GBA2: variants seen among roughly 807,000 people sequenced by gnomAD.
The protein encoded by GBA2 is glucosylceramidase beta 2, also known as non-lysosomal glucosylceramidase.
Under a neutral mutation model 112.9 loss-of-function variants are expected in GBA2, and 79 were observed. That is an observed-to-expected ratio of 0.70 (90% CI 0.58 to 0.84). The LOEUF (loss-of-function observed/expected upper bound fraction) is 0.84, where lower values mean the gene tolerates loss of function less well. Ranked by LOEUF, GBA2 falls within the 40% of genes least tolerant of loss-of-function variation. The pLI is 0.00. For missense variants in GBA2, 1,043 were observed against 1,190.0 expected (o/e 0.88, Z 1.82); for synonymous variants, 403 against 434.3 (o/e 0.93, Z 0.90).
chr9:35,742,098 C>A (rs1484348615), intron 3 of GBA2: 5 of 607,278 alleles, frequency 8.2e-6, no homozygotes, highest in Non-Finnish European at 1.2e-5. Context: ...CCCTTCTCCA[C>A]TACGGTGGTG....
chr9:35,739,562 G>T, intron 9 of GBA2, 66 bp downstream of exon 9: 1 of 1,478,110 alleles, frequency 6.8e-7, no homozygotes. Flanking sequence ...ATACCCTGGG[G>T]TAGGCAAATC....
rs982401040 is a variant in GBA2 at position 35,746,447 on chromosome 9, C to T, written c.360-1741G>A. Among the ~76,000 whole-genome samples, 1 of 152,070 alleles carries T rather than the reference C, an allele frequency of 6.6e-6. No individual in the cohort carries two copies. The highest frequency in any genetic ancestry group is 2.4e-5 in the African/African-American group (1 of 41,396). The stretch of plus-strand genomic sequence containing the variant: ...CTACTAAAAATACAAAAACATTAGC[C>T]AGCTGTGGTGGCAGGCACCTGCAAT... On this transcript the variant is annotated intron_variant, in intron 1 of 16. Coordinates refer to ENST00000378103, the MANE Select transcript of GBA2 (RefSeq NM_020944.3). This position sits in a 1 kb window ranked among gnomAD's most constrained non-coding sequence, Gnocchi z 5.2.
Position 35,741,951 on chromosome 9 carries a change from C to A in GBA2, c.568-61G>T. 8.8e-7 allele frequency: 1 copy of A among 1,133,488 alleles called. No individual in the cohort carries two copies. The highest frequency in any genetic ancestry group is 1.3e-5 in the South Asian group (1 of 79,356). The allele number at this position is 1,133,488 out of a possible 1,614,324, so 70.2% of individuals were successfully genotyped here. A position where few individuals can be genotyped will look rare whatever the true frequency, so the allele number is the denominator to read the frequency against. ...ACAGGGACCACAGACTAAGTCTTCC[C>A]TCTCCTCAAATCAGCTCCTCCCCTT... On this transcript the variant is annotated intron_variant, in intron 3 of 16. Transcript: ENST00000378103. This position sits in a 1 kb window ranked among gnomAD's most constrained non-coding sequence, Gnocchi z 4.6.
At position 35,746,281 on chromosome 9, in the gene GBA2, AAATGTGATT is replaced by A. The variant is rs1173568234; in HGVS notation, c.360-1584_360-1576del. Among the ~76,000 whole-genome samples the A allele has an allele frequency of 1.2e-4, 18 of 152,330 alleles. No homozygotes were observed. The highest frequency in any genetic ancestry group is 1.0e-3 in the Admixed American group (16 of 15,302). The stretch of plus-strand genomic sequence containing the variant: ...ATAACAGACTGGAGCAGAGGAGAAG[AAATGTGATT>A]AATGAATAGGGACAGCGGCCAGGCA... On this transcript the variant is annotated intron_variant, in intron 1 of 16. Transcript: ENST00000378103. The surrounding 1 kb of genome is among the most constrained non-coding windows in gnomAD (Gnocchi z 5.2).
Position 35,739,705 on chromosome 9 carries a change from A to T in GBA2, c.1505T>A (p.Leu502Gln), listed in dbSNP as rs759994346. ...TVWLEVLEDSLPEELGRNMCH... is the reference protein window; with the variant it reads ...TVWLEVLEDSQPEELGRNMCH... ...CATGTTTCTGCCCAGCTCCTCTGGT[A>T]GGGAGTCCTCAAGAACTTCCAGCCA... Residue 502 changes from leucine to glutamine, a missense_variant, in exon 9 of 17, where the codon CTA becomes CAA. By Grantham distance (113) the Leu-to-Gln change is moderately radical. Coordinates refer to ENST00000378103, the MANE Select transcript of GBA2 (RefSeq NM_020944.3). 1.2e-6 allele frequency: 2 copies of T among 1,613,890 alleles called. 1 individual carries two copies. Among genetic ancestry groups the T allele is most frequent in the South Asian group, 2.2e-5 (2 of 91,076 alleles).
At chr9:35,739,908 C>G in intron 8 of GBA2, 90 bp downstream of exon 8, 1 of 1,561,948 alleles carries the variant, frequency 6.4e-7, no homozygotes, top group Non-Finnish European at 8.8e-7. Flanking sequence ...CAGTGCAAGT[C>G]TACTGACTTT....
rs1826953960 is a variant in GBA2 at position 35,746,064 on chromosome 9, T to G, written c.360-1358A>C. On this transcript the variant is annotated intron_variant, in intron 1 of 16. Coordinates refer to ENST00000378103, the MANE Select transcript of GBA2 (RefSeq NM_020944.3). This position sits in a 1 kb window ranked among gnomAD's most constrained non-coding sequence, Gnocchi z 5.2. ...GTTATCTCAATTCCTAATCAGACAT[T>G]GCCTTGTTATTTCAATGTTCCTCAT... 6.6e-6 allele frequency among the ~76,000 whole-genome samples: 1 copy of G among 152,244 alleles called. No individual in the cohort carries two copies. The highest frequency in any genetic ancestry group is 6.5e-5 in the Admixed American group (1 of 15,276).
chr9:35,741,264 G>T lies in GBA2; in HGVS notation c.787-200C>A. On this transcript the variant is annotated intron_variant, in intron 4 of 16. Coordinates refer to ENST00000378103, the MANE Select transcript of GBA2 (RefSeq NM_020944.3). This position sits in a 1 kb window ranked among gnomAD's most constrained non-coding sequence, Gnocchi z 4.6. ...GAAGACCAGAACCAGTTGGGCGGTG[G>T]TTCTGGGAAGCCAGTGTGATGTTCA... 1.7e-6 allele frequency: 1 copy of T among 600,010 alleles called. No homozygotes were observed. The highest frequency in any genetic ancestry group is 2.9e-6 in the Non-Finnish European group (1 of 343,940). The allele number at this position is 600,010 out of a possible 1,614,324, so 37.2% of individuals were successfully genotyped here.
chr9:35,748,189 C>T (rs1408456179), intron 1 of GBA2, among the ~76,000 whole-genome samples, 157 bp downstream of exon 1: 2 of 152,220 alleles, frequency 1.3e-5, no homozygotes, highest in Admixed American at 6.5e-5. Context: ...CCTGGTCTCA[C>T]GGTCCAAAAC....
In GBA2 at chr9:35,748,489, A is replaced by C; in HGVS notation, c.216T>G (p.Tyr72Ter). ...CCTGGTAGCCCATAGCTTTACCCTC[A>C]TAGGAAACCATCAGCTGCCCAGAGT... is the stretch of plus-strand genomic sequence containing the variant. ...PEDSGQLMVSYEGKAMGYQVP... is the reference protein window; with the variant it reads ...PEDSGQLMVS The change falls in exon 1 of 17, where the codon TAT (tyrosine) becomes TAG (stop). Residue 72 changes from tyrosine (Y) to a stop codon, truncating the protein, a stop_gained. Coordinates refer to ENST00000378103, the MANE Select transcript of GBA2 (RefSeq NM_020944.3). LOFTEE classifies it high-confidence loss of function. 6.2e-7 allele frequency: 1 copy of C among 1,614,136 alleles called. No homozygotes were observed. The highest frequency in any genetic ancestry group is 8.5e-7 in the Non-Finnish European group (1 of 1,179,982).
chr9:35,738,122 C>T lies in GBA2; in HGVS notation c.2228G>A (p.Arg743Gln), dbSNP rs201520272. The change falls in exon 15 of 17, where the codon CGG becomes CAG. Residue 743 changes from arginine (R) to glutamine (Q), a missense_variant. By Grantham distance (43) the Arg-to-Gln change is conservative. Coordinates refer to ENST00000378103, the MANE Select transcript of GBA2 (RefSeq NM_020944.3). ...AGACATAACACTACGAGACTGAGGCCGAGAGCTGCTGTCATAGTTGTAATA... is the reference window on the plus strand; with the variant it reads ...AGACATAACACTACGAGACTGAGGCTGAGAGCTGCTGTCATAGTTGTAATA... Reference protein sequence around the residue: ...GRYYNYDSSSRPQSRSVMSDQ... With the variant: ...GRYYNYDSSSQPQSRSVMSDQ... 2.9e-5 allele frequency: 46 copies of T among 1,613,978 alleles called. No homozygotes were observed. Among genetic ancestry groups the T allele is most frequent in the African/African-American group, 1.2e-4 (9 of 75,022 alleles).
At position 35,749,114 on chromosome 9, in the gene GBA2, C is replaced by T. The variant is rs1167927806; in HGVS notation, c.-410G>A. On this transcript the variant is annotated 5_prime_UTR_variant, in exon 1 of 17. Transcript: ENST00000378103. The surrounding 1 kb of genome is among the most constrained non-coding windows in gnomAD (Gnocchi z 4.4). ...GCCCCTGGGCCACGGCACCGGGTCC[C>T]CCAGGATTGGGCGCCAGGTCCCGCC... The T allele has an allele frequency of 3.8e-6, 1 of 261,108 alleles. No homozygotes were observed. The highest frequency in any genetic ancestry group is 3.1e-5 in the South Asian group (1 of 31,790). The allele number at this position is 261,108 out of a possible 1,614,324, so 16.2% of individuals were successfully genotyped here. A position where few individuals can be genotyped will look rare whatever the true frequency, so the allele number is the denominator to read the frequency against.
At position 35,740,832 on chromosome 9, in the gene GBA2, C is replaced by T. The variant is rs1588014819; in HGVS notation, c.1019G>A (p.Arg340Gln). 2.5e-6 allele frequency: 4 copies of T among 1,614,036 alleles called. No individual in the cohort carries two copies. The highest frequency in any genetic ancestry group is 1.1e-5 in the South Asian group (1 of 91,082). The stretch of plus-strand genomic sequence containing the variant: ...GGCAGGCTCTTTCCTTACCGTGACT[C>T]GTGCAGCCACAGCCATCGTGTAGGG... ...PNPYTMAVAA[R>Q]VTAATTVTHI... is the part of the protein sequence containing the mutation. Residue 340 changes from arginine (R) to glutamine (Q), a missense_variant, in exon 5 of 17, where the codon CGA becomes CAA. Physicochemically the swap from Arg to Gln is conservative, Grantham distance 43 (BLOSUM62 1). Transcript: ENST00000378103. This position sits in a 1 kb window ranked among gnomAD's most constrained non-coding sequence, Gnocchi z 4.7.
Position 35,741,577 on chromosome 9 carries a change from CG to C in GBA2, c.786+94del. 1 of 841,146 alleles carries C rather than the reference CG, an allele frequency of 1.2e-6. No homozygotes were observed. Among genetic ancestry groups the C allele is most frequent in the Non-Finnish European group, 2.1e-6 (1 of 481,354 alleles). The allele number at this position is 841,146 out of a possible 1,614,324, so 52.1% of individuals were successfully genotyped here. A position where few individuals can be genotyped will look rare whatever the true frequency, so the allele number is the denominator to read the frequency against. On this transcript the variant is annotated intron_variant, in intron 4 of 16. Coordinates refer to ENST00000378103, the MANE Select transcript of GBA2 (RefSeq NM_020944.3). This position sits in a 1 kb window ranked among gnomAD's most constrained non-coding sequence, Gnocchi z 4.6. ...CCTCCCAAAGTGTTGGGATTACAGG[CG>C]TGAGCTACCGCGCCTCGCAGGCCAT...
rs1029200432 is a variant in GBA2 at position 35,748,987 on chromosome 9, A to G, written c.-283T>C. 6.8e-6 allele frequency: 2 copies of G among 292,576 alleles called. No individual in the cohort carries two copies. Among genetic ancestry groups the G allele is most frequent in the Non-Finnish European group, 1.2e-5 (2 of 160,486 alleles). The allele number at this position is 292,576 out of a possible 1,614,324, so 18.1% of individuals were successfully genotyped here. On this transcript the variant is annotated 5_prime_UTR_variant, in exon 1 of 17. Coordinates refer to ENST00000378103, the MANE Select transcript of GBA2 (RefSeq NM_020944.3). ...GCCGACGATTAGCTCGCCCGGCCAA[A>G]GGGCGACTGGGCCCGCAGAGAGGGG...
chr9:35,738,363 C>T lies in GBA2; in HGVS notation c.2066G>A (p.Gly689Glu). 6.2e-7 allele frequency: 1 copy of T among 1,614,100 alleles called. No individual in the cohort carries two copies. Among genetic ancestry groups the T allele is most frequent in the Non-Finnish European group, 8.5e-7 (1 of 1,179,974 alleles). ...WVTTGPSAYC[G>E]GLWLAAVAVM... ...AGCCACAGCTGCCAGCCACAGCCCT[C>T]CACAGTAAGCACTGATCAGGGACAT... is the stretch of plus-strand genomic sequence containing the variant. Residue 689 changes from glycine (G) to glutamate (E), a missense_variant, in exon 14 of 17, where the codon GGA becomes GAA. Coordinates refer to ENST00000378103, the MANE Select transcript of GBA2 (RefSeq NM_020944.3).
chr9:35,739,527 AC>A (rs777115461), intron 9 of GBA2, 100 bp downstream of exon 9: 3 of 1,307,762 alleles, frequency 2.3e-6, no homozygotes, highest in Non-Finnish European at 3.3e-6. Flanking sequence ...ACTAGTCCAC[AC>A]CCAACACCCC....
Position 35,748,911 on chromosome 9 carries a change from G to A in GBA2, c.-207C>T. Reference sequence around the variant, plus strand: ...AAGAAGCCGCCTTGGGCTCTCCTTCGGTTGTCTCTGTAGGTCCTGGACGGG... The same window carrying A: ...AAGAAGCCGCCTTGGGCTCTCCTTCAGTTGTCTCTGTAGGTCCTGGACGGG... On this transcript the variant is annotated 5_prime_UTR_variant, in exon 1 of 17. Coordinates refer to ENST00000378103, the MANE Select transcript of GBA2 (RefSeq NM_020944.3). 1 of 491,892 alleles carries A rather than the reference G, an allele frequency of 2.0e-6. No homozygotes were observed. The highest frequency in any genetic ancestry group is 3.6e-6 in the Non-Finnish European group (1 of 278,710). The allele number at this position is 491,892 out of a possible 1,614,324, so 30.5% of individuals were successfully genotyped here.
Position 35,740,991 on chromosome 9 carries a change from A to T in GBA2, c.860T>A (p.Ile287Asn). 6.2e-7 allele frequency: 1 copy of T among 1,613,974 alleles called. No individual in the cohort carries two copies. The highest frequency in any genetic ancestry group is 8.5e-7 in the Non-Finnish European group (1 of 1,179,872). ...NEGDEALDVS[I>N]MFSMRNGLGG... Reference sequence around the variant, plus strand: ...CAGTCCATTCCGCATGGAGAACATGATGGACACATCTAGAGCTTCGTCCCC... The same window carrying T: ...CAGTCCATTCCGCATGGAGAACATGTTGGACACATCTAGAGCTTCGTCCCC... Residue 287 changes from isoleucine to asparagine, a missense_variant, in exon 5 of 17, where the codon ATC becomes AAC. By Grantham distance (149) the Ile-to-Asn change is moderately radical. Transcript: ENST00000378103. This position sits in a 1 kb window ranked among gnomAD's most constrained non-coding sequence, Gnocchi z 4.7.
Sources: allele counts gnomAD v4.1 joint callset (sites outside exome capture counted in the v4.1 genomes callset), GRCh38; gene constraint gnomAD v4.1.1; non-coding constraint Gnocchi (gnomAD v3.1); transcripts MANE v1.5; gene names NCBI Gene and HGNC (gene_info 2026-07-23, HGNC 2026-07-21).